PHF14: variants seen among roughly 807,000 people sequenced by gnomAD.
PHF14 encodes PHD finger protein 14.
Under a neutral mutation model 117.9 loss-of-function variants are expected in PHF14, and 55 were observed. The observed-to-expected ratio is 0.47, with a 90% CI of 0.38 to 0.58. PHF14 has a LOEUF of 0.58. Among genes scored for constraint, PHF14 ranks in the 20% least tolerant of loss-of-function variants. The probability of loss-of-function intolerance (pLI) is 0.00; values close to 1 mark genes in which losing one functional copy is unlikely to be tolerated. For synonymous variants in PHF14, 409 were observed against 368.6 expected, an observed-to-expected ratio of 1.11 and a Z score of -1.26; for missense variants, 978 against 1,122.2, an observed-to-expected ratio of 0.87 and a Z score of 1.84.
intron 4 of PHF14, among the ~76,000 whole-genome samples, chr7:10,994,391 G>T (rs1461910815): frequency 6.6e-6 from 1 of 152,108 alleles, no homozygotes; most frequent in Non-Finnish European, 1.5e-5. Context: ...GTGAGCTGAG[G>T]TCGAGCCACT....
intron 16 of PHF14, among the ~76,000 whole-genome samples, chr7:11,099,436 A>C (rs1787004229): frequency 6.6e-6 from 1 of 152,164 alleles, no homozygotes; most frequent in Admixed American, 6.6e-5. Flanking sequence ...GGTATATATT[A>C]CATAGTGAAG....
chr7:11,024,743 A>G (rs1783852867), intron 6 of PHF14, among the ~76,000 whole-genome samples: 1 of 152,218 alleles, frequency 6.6e-6, no homozygotes, highest in Non-Finnish European at 1.5e-5. Context: ...CTTTCAAAAG[A>G]TTACTGCTTA....
At chr7:11,038,134 C>T (rs1169096679) in intron 10 of PHF14, among the ~76,000 whole-genome samples, 1 of 152,084 alleles carries the variant, frequency 6.6e-6, no homozygotes, top group East Asian at 1.9e-4. Context: ...TATATGGAGG[C>T]CGAGCGCAGT....
chr7:11,082,324 G>C (rs972697808), intron 16 of PHF14, among the ~76,000 whole-genome samples: 7 of 152,018 alleles, frequency 4.6e-5, no homozygotes, highest in African/African-American at 1.7e-4. Context: ...CTCCAGCCTG[G>C]GCAACAGAGC....
chr7:11,034,840 C>T (rs147482711), intron 7 of PHF14, among the ~76,000 whole-genome samples: 1,982 of 152,066 alleles, frequency 0.013, 42 homozygotes, highest in African/African-American at 0.045. Flanking sequence ...TGTGCCACCA[C>T]GCCTGGCCCT....
intron 17 of PHF14, among the ~76,000 whole-genome samples, chr7:11,122,352 T>TATATATATATATACACACACAC: frequency 2.7e-4 from 18 of 65,870 alleles, no homozygotes; most frequent in South Asian, 1.5e-3. Flanking sequence ...TATATATATA[T>TATATATATATATACACACACAC]ACACACACAC....
intron 17 of PHF14, among the ~76,000 whole-genome samples, chr7:11,154,817 ATCAT>A (rs1788794922): frequency 6.6e-6 from 1 of 152,152 alleles, no homozygotes; most frequent in African/African-American, 2.4e-5. Flanking sequence ...TTTAAATGTA[ATCAT>A]TCACCCACTT....
At chr7:11,132,600 G>A (rs975893208) in intron 17 of PHF14, among the ~76,000 whole-genome samples, 1 of 151,762 alleles carries the variant, frequency 6.6e-6, no homozygotes, top group African/African-American at 2.4e-5. Flanking sequence ...TTTCCTTTGA[G>A]TATATTCCTA....
At chr7:11,070,239 A>T (rs1684085711) in intron 16 of PHF14, among the ~76,000 whole-genome samples, 1 of 152,094 alleles carries the variant, frequency 6.6e-6, no homozygotes, top group South Asian at 2.1e-4. Flanking sequence ...CACCATGCCC[A>T]GCTGATTTTT....
intron 4 of PHF14, among the ~76,000 whole-genome samples, chr7:11,012,298 G>T (rs919513637): frequency 2.0e-5 from 3 of 151,984 alleles, no homozygotes; most frequent in Admixed American, 2.0e-4. Context: ...TAAATATACA[G>T]TCACCCCTCA....
At chr7:11,026,573 G>A (rs1783918350) in intron 6 of PHF14, among the ~76,000 whole-genome samples, 1 of 152,110 alleles carries the variant, frequency 6.6e-6, no homozygotes, top group African/African-American at 2.4e-5. Context: ...TGTGAGCAGT[G>A]GGCTTCTATT....
At chr7:10,997,151 A>G (rs755088125) in intron 4 of PHF14, among the ~76,000 whole-genome samples, 1 of 152,176 alleles carries the variant, frequency 6.6e-6, no homozygotes. Flanking sequence ...CTTTTTATCT[A>G]TACATACACA....
At chr7:11,140,252 C>A (rs1161101340) in intron 17 of PHF14, among the ~76,000 whole-genome samples, 3 of 152,094 alleles carry the variant, frequency 2.0e-5, no homozygotes, top group African/African-American at 7.2e-5. Context: ...CATGCATACA[C>A]CCCCACACGG....
At chr7:11,062,618 G>C in intron 16 of PHF14, 2 of 860,520 alleles carry the variant, frequency 2.3e-6, no homozygotes, top group Non-Finnish European at 2.8e-6. Context: ...TTTATTTTTT[G>C]TTTTGTCTTT....
intron 14 of PHF14, among the ~76,000 whole-genome samples, chr7:11,057,847 G>C (rs1295929608): frequency 6.6e-6 from 1 of 150,566 alleles, no homozygotes; most frequent in Admixed American, 6.6e-5. Context: ...AGCTCAGGTT[G>C]TAATTGTTCC....
intron 16 of PHF14, among the ~76,000 whole-genome samples, chr7:11,066,541 G>C (rs182544743): frequency 7.1e-4 from 108 of 152,226 alleles, no homozygotes; most frequent in Middle Eastern, 3.4e-3. Flanking sequence ...TCTTCTAGAA[G>C]CTTTGTAGTT....
At chr7:10,997,911 A>G (rs1447364486) in intron 4 of PHF14, among the ~76,000 whole-genome samples, 2 of 152,180 alleles carry the variant, frequency 1.3e-5, no homozygotes, top group South Asian at 2.1e-4. Context: ...ACACAAGCCA[A>G]CCCTAGTCAG....
intron 4 of PHF14, among the ~76,000 whole-genome samples, chr7:10,991,751 A>AT (rs1782460272): frequency 6.7e-5 from 8 of 120,004 alleles, no homozygotes; most frequent in African/African-American, 9.9e-5. Flanking sequence ...TAATTTTTTA[A>AT]TTTTTTAATT....
intron 17 of PHF14, among the ~76,000 whole-genome samples, chr7:11,114,490 C>G (rs1787537942): frequency 6.6e-6 from 1 of 151,996 alleles, no homozygotes; most frequent in South Asian, 2.1e-4. Context: ...TATCTGAATT[C>G]ATAATTTTTT....
Sources: gnomAD v4.1 joint callset for allele counts (sites outside exome capture counted in the v4.1 genomes callset) on GRCh38, gnomAD v4.1.1 for gene constraint, MANE v1.5 for transcripts, NCBI Gene and HGNC (gene_info 2026-07-23, HGNC 2026-07-21) for gene names.